Variants in CHSY3 observed in about 807,000 individuals in gnomAD.
The protein encoded by CHSY3 is chondroitin sulfate synthase 3.
CHSY3 carries 35 observed loss-of-function variants against 67.2 expected under a neutral mutation model. The observed-to-expected ratio is 0.52, with a 90% CI of 0.40 to 0.69. The LOEUF is 0.69. Among genes scored for constraint, CHSY3 ranks in the 30% least tolerant of loss-of-function variants. CHSY3 has a pLI of 0.00. For synonymous variants in CHSY3, 474 were observed against 434.7 expected (o/e 1.09, Z -1.12); for missense variants, 1,069 against 1,138.5 (o/e 0.94, Z 0.88).
At chr5:129,994,521 G>C (rs944684676) in intron 2 of CHSY3, among the ~76,000 whole-genome samples, 5 of 151,956 alleles carry the variant, frequency 3.3e-5, no homozygotes, top group African/African-American at 1.2e-4. Flanking sequence ...TGAGGCTTAT[G>C]CATTTGTCAC....
chr5:129,904,284 G>C (rs1057235112), upstream of CHSY3, among the ~76,000 whole-genome samples: 5 of 152,072 alleles, frequency 3.3e-5, no homozygotes, highest in South Asian at 2.1e-4. Context: ...AGGCGCGGAC[G>C]GGGGGCGTCC....
intron 2 of CHSY3, among the ~76,000 whole-genome samples, chr5:129,981,446 G>T (rs1283654327): frequency 1.3e-5 from 2 of 151,912 alleles, no homozygotes; most frequent in African/African-American, 4.8e-5. Flanking sequence ...TTCTGCAGAT[G>T]ATCATGTCAT....
At chr5:129,941,163 A>G (rs1045490383) in intron 2 of CHSY3, among the ~76,000 whole-genome samples, 1 of 152,182 alleles carries the variant, frequency 6.6e-6, no homozygotes. Context: ...CCCAGAGGTC[A>G]CTGCAGCCCA....
At position 130,055,279 on chromosome 5, in the gene CHSY3, T is replaced by TAA. The variant is rs200891155; in HGVS notation, c.1087-128935_1087-128934dup. Reference sequence around the variant, plus strand: ...ATTATGTCTTAGAATTTGCCCCTTGTAAAAAAAAAAAAAAAAGTCGTTTTG... The same window carrying TAA: ...ATTATGTCTTAGAATTTGCCCCTTGTAAAAAAAAAAAAAAAAAAGTCGTTTTG... On this transcript the variant is annotated intron_variant, in intron 2 of 2. Coordinates refer to ENST00000305031, the MANE Select transcript of CHSY3 (RefSeq NM_175856.5). Among the ~76,000 whole-genome samples, 1,041 of 140,062 alleles carry TAA rather than the reference T, an allele frequency of 7.4e-3. 21 individuals carry two copies. Among genetic ancestry groups the TAA allele is most frequent in the Admixed American group, 0.038 (534 of 14,124 alleles). The allele number at this position is 140,062 out of a possible 152,430, so 91.9% of individuals were successfully genotyped here.
intron 2 of CHSY3, among the ~76,000 whole-genome samples, chr5:130,164,400 A>G (rs1393350213): frequency 6.6e-6 from 1 of 152,190 alleles, no homozygotes; most frequent in African/African-American, 2.4e-5. Flanking sequence ...AGAAGTCTAT[A>G]TATCAGGAAG....
chr5:130,003,763 G>A (rs565285437), intron 2 of CHSY3, among the ~76,000 whole-genome samples: 2 of 152,142 alleles, frequency 1.3e-5, no homozygotes, highest in Admixed American at 6.5e-5. Context: ...GAAATTTTCT[G>A]TTATGAGGGC....
chr5:129,985,681 T>C (rs1038795887), intron 2 of CHSY3, among the ~76,000 whole-genome samples: 7 of 152,220 alleles, frequency 4.6e-5, no homozygotes, highest in African/African-American at 1.7e-4. Context: ...TCCATTTCTT[T>C]GTGTCATCTC....
rs925049224 is a variant in CHSY3 at position 130,185,134 on chromosome 5, C to G, written c.1992C>G (p.Gly664=). ...LVIILFSRDS[G]QDSSKHIELI... is the part of the protein sequence containing the mutation. The stretch of plus-strand genomic sequence containing the variant: ...TTATCCTTTTCAGTAGGGATTCTGG[C>G]CAAGACTCCAGCAAGCATATTGAGC... Residue 664 remains glycine, a synonymous_variant, in exon 3 of 3, where the codon GGC becomes GGG. Coordinates refer to ENST00000305031, the MANE Select transcript of CHSY3 (RefSeq NM_175856.5). 1 of 1,598,766 alleles carries G rather than the reference C, an allele frequency of 6.3e-7. No homozygotes were observed. The highest frequency in any genetic ancestry group is 8.6e-7 in the Non-Finnish European group (1 of 1,166,162).
At chr5:130,140,190 G>A in intron 2 of CHSY3, 1 of 254,178 alleles carries the variant, frequency 3.9e-6, no homozygotes. Flanking sequence ...GATCAGTGAT[G>A]CCACAAAGAA....
chr5:130,019,401 C>T lies in CHSY3; in HGVS notation c.1086+111041C>T, dbSNP rs574379661. ...ACCTGGGCAATTATCTTTTGCTTCC[C>T]GATACTCATACAGTCCCCCAACACC... On this transcript the variant is annotated intron_variant, in intron 2 of 2. Transcript: ENST00000305031. Among the ~76,000 whole-genome samples the T allele has an allele frequency of 1.1e-4, 17 of 152,200 alleles. No homozygotes were observed. The East Asian group carries it at 1.2e-3, about 10-fold the overall frequency.
chr5:129,981,343 G>A lies in CHSY3; in HGVS notation c.1086+72983G>A, dbSNP rs1762980123. On this transcript the variant is annotated intron_variant, in intron 2 of 2. Transcript: ENST00000305031. ...CCAGTACCACACTGTCTTGATTACTGTAGCTTTATATTAAATTATTTTATT... is the reference window on the plus strand; with the variant it reads ...CCAGTACCACACTGTCTTGATTACTATAGCTTTATATTAAATTATTTTATT... 5.3e-5 allele frequency among the ~76,000 whole-genome samples: 8 copies of A among 151,936 alleles called. 1 individual carries two copies. The South Asian group carries it at 1.7e-3, about 32-fold the overall frequency.
intron 2 of CHSY3, among the ~76,000 whole-genome samples, chr5:130,161,251 C>T (rs1358955246): frequency 6.6e-6 from 1 of 152,078 alleles, no homozygotes; most frequent in Non-Finnish European, 1.5e-5. Flanking sequence ...AATCCTTTGA[C>T]CACTTATTAG....
chr5:130,164,908 A>C (rs938228914), intron 2 of CHSY3, among the ~76,000 whole-genome samples: 2 of 152,278 alleles, frequency 1.3e-5, no homozygotes, highest in Non-Finnish European at 2.9e-5. Context: ...AGTAAGAGTT[A>C]AATAGGAAAA....
intron 2 of CHSY3, among the ~76,000 whole-genome samples, chr5:130,137,827 G>A (rs759552028): frequency 1.2e-4 from 19 of 152,190 alleles, no homozygotes; most frequent in East Asian, 5.8e-4. Context: ...CAACTGTAAC[G>A]TCTGGAGGGA....
chr5:130,145,130 G>C (rs1383938804), intron 2 of CHSY3, among the ~76,000 whole-genome samples: 1 of 152,094 alleles, frequency 6.6e-6, no homozygotes, highest in Non-Finnish European at 1.5e-5. Context: ...ACACAACCCA[G>C]TCACCTCCCA....
chr5:130,125,105 G>A (rs2149710798), intron 2 of CHSY3, among the ~76,000 whole-genome samples: 1 of 152,236 alleles, frequency 6.6e-6, no homozygotes, highest in East Asian at 1.9e-4. Flanking sequence ...ATTACAGAAG[G>A]AAGACAGAAA....
intron 2 of CHSY3, among the ~76,000 whole-genome samples, chr5:130,091,162 ACT>A (rs1554082163): frequency 7.7e-4 from 116 of 151,292 alleles, no homozygotes; most frequent in African/African-American, 2.6e-3. Flanking sequence ...ACACACACAC[ACT>A]ACTTTTGTTC....
chr5:130,029,915 A>G (rs1365960786), intron 2 of CHSY3, among the ~76,000 whole-genome samples: 1 of 152,148 alleles, frequency 6.6e-6, no homozygotes, highest in African/African-American at 2.4e-5. Flanking sequence ...GTCAAATTGT[A>G]TCTCTTTTGT....
At chr5:130,108,196 A>G (rs1332414787) in intron 2 of CHSY3, among the ~76,000 whole-genome samples, 5 of 151,570 alleles carry the variant, frequency 3.3e-5, no homozygotes, top group Admixed American at 6.6e-5. Flanking sequence ...ATGATGCAAA[A>G]CTTTTTACAT....
Sources: gnomAD v4.1 joint callset for allele counts (sites outside exome capture counted in the v4.1 genomes callset) on GRCh38, gnomAD v4.1.1 for gene constraint, MANE v1.5 for transcripts, NCBI Gene and HGNC (gene_info 2026-07-23, HGNC 2026-07-21) for gene names.